SIK2: variants seen among roughly 807,000 people sequenced by gnomAD.
SIK2 encodes serine/threonine-protein kinase SIK2.
SIK2 carries 29 observed loss-of-function variants against 103.2 expected under a neutral mutation model. That is an observed-to-expected ratio of 0.28 (90% CI 0.21 to 0.38). The LOEUF is 0.38. SIK2 is among the 10% of genes least tolerant of loss of function. The pLI is 1.00. For synonymous variants in SIK2, 412 were observed against 446.1 expected (o/e 0.92, Z 0.96); for missense variants, 879 against 1,171.0 (o/e 0.75, Z 3.64).
intron 11 of SIK2, 25 bp from the exon 12 acceptor site, chr11:111,720,874 G>C (rs146609137): frequency 1.2e-6 from 2 of 1,610,280 alleles, no homozygotes; most frequent in African/African-American, 1.3e-5. Flanking sequence ...TAGTTAAACT[G>C]TTTGGTCTTG....
chr11:111,716,245 A>G (rs1943638828), intron 9 of SIK2, among the ~76,000 whole-genome samples: 1 of 152,218 alleles, frequency 6.6e-6, no homozygotes, highest in South Asian at 2.1e-4. Context: ...TACATTTTTA[A>G]TAACTTTTTT....
At chr11:111,682,335 T>C (rs1942788156) in intron 3 of SIK2, among the ~76,000 whole-genome samples, 1 of 151,976 alleles carries the variant, frequency 6.6e-6, no homozygotes. Flanking sequence ...GACAGTGGCA[T>C]AGGAAAAAGG....
intron 3 of SIK2, among the ~76,000 whole-genome samples, chr11:111,658,802 A>G (rs771551396): frequency 3.9e-5 from 6 of 152,192 alleles, no homozygotes; most frequent in Non-Finnish European, 8.8e-5. Flanking sequence ...TATTTTAAGA[A>G]GTACTACAGT....
At chr11:111,685,524 A>G (rs1244028791) in intron 3 of SIK2, among the ~76,000 whole-genome samples, 2 of 152,172 alleles carry the variant, frequency 1.3e-5, no homozygotes, top group African/African-American at 4.8e-5. Flanking sequence ...ACTTAAGGTC[A>G]AGGTGGCATT....
chr11:111,722,878 T>A lies in SIK2; in HGVS notation c.2147+122T>A. ...TAGGAAAATAGGTTTTCTGCGTGTG[T>A]CACAGGCCCTCTGAGCACGATTACT... On this transcript the variant is annotated intron_variant, in intron 14 of 14. Coordinates refer to ENST00000304987, the MANE Select transcript of SIK2 (RefSeq NM_015191.3). The surrounding 1 kb of genome is among the most constrained non-coding windows in gnomAD (Gnocchi z 4.4). 1.2e-6 allele frequency: 1 copy of A among 830,998 alleles called. No individual in the cohort carries two copies. The highest frequency in any genetic ancestry group is 1.9e-6 in the Non-Finnish European group (1 of 523,858). 51.5% of individuals were successfully genotyped at this position (830,998 alleles called of 1,614,324 possible).
intron 4 of SIK2, among the ~76,000 whole-genome samples, chr11:111,695,641 T>G (rs1220102680): frequency 1.3e-5 from 2 of 152,222 alleles, no homozygotes; most frequent in African/African-American, 4.8e-5. Flanking sequence ...CAGAGCTTGT[T>G]ACAAATGCAG....
In SIK2 at chr11:111,718,090, G is replaced by A. The variant is rs546635385; in HGVS notation, c.1267-1685G>A. ...AACTTAAAAATTGAAGAAAAAAAAA[G>A]AACTTGCTTATATGGCTTATCCTAT... On this transcript the variant is annotated intron_variant, in intron 9 of 14. Transcript: ENST00000304987. 8.5e-5 allele frequency among the ~76,000 whole-genome samples: 13 copies of A among 152,170 alleles called. No individual in the cohort carries two copies. The South Asian group carries it at 1.0e-3, about 12-fold the overall frequency.
Position 111,701,344 on chromosome 11 carries a change from C to A in SIK2, c.604-108C>A. ...ATTCTGAGAAAATAATAAATCCAGACAGGAATTTTTCAGTCCATATGATTT... is the reference window on the plus strand; with the variant it reads ...ATTCTGAGAAAATAATAAATCCAGAAAGGAATTTTTCAGTCCATATGATTT... On this transcript the variant is annotated intron_variant, in intron 5 of 14. Coordinates refer to ENST00000304987, the MANE Select transcript of SIK2 (RefSeq NM_015191.3). This position sits in a 1 kb window ranked among gnomAD's most constrained non-coding sequence, Gnocchi z 4.2. The A allele has an allele frequency of 7.3e-7, 1 of 1,372,946 alleles. No individual in the cohort carries two copies. The highest frequency in any genetic ancestry group is 9.7e-7 in the Non-Finnish European group (1 of 1,026,710). The allele number at this position is 1,372,946 out of a possible 1,614,324, so 85.0% of individuals were successfully genotyped here. A position where few individuals can be genotyped will look rare whatever the true frequency, so the allele number is the denominator to read the frequency against.
chr11:111,634,566 A>G (rs1465449702), intron 3 of SIK2, among the ~76,000 whole-genome samples: 1 of 151,926 alleles, frequency 6.6e-6, no homozygotes, highest in Admixed American at 6.6e-5. Context: ...ATCATTTCTC[A>G]CTTGAATCAC....
At chr11:111,693,126 T>G (rs1456433476) in intron 4 of SIK2, among the ~76,000 whole-genome samples, 6 of 151,822 alleles carry the variant, frequency 4.0e-5, no homozygotes, top group Non-Finnish European at 7.4e-5. Flanking sequence ...GAGGGCAGGA[T>G]TTCGAGACCA....
chr11:111,635,087 A>C (rs1218672411), intron 3 of SIK2, among the ~76,000 whole-genome samples: 2 of 152,136 alleles, frequency 1.3e-5, no homozygotes, highest in Admixed American at 1.3e-4. Flanking sequence ...ACTTGTAGAG[A>C]GACTAGTAAC....
At chr11:111,672,863 A>T (rs1228188760) in intron 3 of SIK2, among the ~76,000 whole-genome samples, 1 of 152,218 alleles carries the variant, frequency 6.6e-6, no homozygotes. Context: ...TTCGTTTAAA[A>T]TCTGGCTTTA....
At position 111,722,464 on chromosome 11, in the gene SIK2, G is replaced by A. The variant is rs186410182; in HGVS notation, c.2056-201G>A. On this transcript the variant is annotated intron_variant, in intron 13 of 14. Coordinates refer to ENST00000304987, the MANE Select transcript of SIK2 (RefSeq NM_015191.3). This position sits in a 1 kb window ranked among gnomAD's most constrained non-coding sequence, Gnocchi z 4.4. ...ACTTTTGGAAATGGAGTGGAAAAAG[G>A]AAGTAGGTGAGGTCAGAGATGGCCC... is the stretch of plus-strand genomic sequence containing the variant. Among the ~76,000 whole-genome samples, 18 of 152,338 alleles carry A rather than the reference G, an allele frequency of 1.2e-4. No individual in the cohort carries two copies. The highest frequency in any genetic ancestry group is 6.9e-3 in the Middle Eastern group (2 of 290).
intron 3 of SIK2, chr11:111,683,087 T>G (rs1040444176): frequency 1.3e-5 from 2 of 152,282 alleles, no homozygotes; most frequent in Non-Finnish European, 2.9e-5. Flanking sequence ...AAAAACTGTA[T>G]TTATTCATCA....
intron 3 of SIK2, among the ~76,000 whole-genome samples, chr11:111,645,363 A>G (rs1240517483): frequency 6.6e-6 from 1 of 152,246 alleles, no homozygotes; most frequent in Non-Finnish European, 1.5e-5. Flanking sequence ...ATAGTCATAC[A>G]ATACAGCAAC....
intron 3 of SIK2, among the ~76,000 whole-genome samples, chr11:111,638,095 T>C (rs886211663): frequency 3.9e-5 from 6 of 152,238 alleles, no homozygotes; most frequent in Non-Finnish European, 8.8e-5. Flanking sequence ...TTTGTATCTT[T>C]ACACTTGAGT....
At chr11:111,681,295 G>C (rs749186889) in intron 3 of SIK2, among the ~76,000 whole-genome samples, 6 of 152,062 alleles carry the variant, frequency 3.9e-5, no homozygotes, top group Non-Finnish European at 7.4e-5. Flanking sequence ...CTTTCAGTAG[G>C]GTCTGTGAGC....
At chr11:111,632,165 C>T (rs1430444336) in intron 3 of SIK2, among the ~76,000 whole-genome samples, 1 of 152,078 alleles carries the variant, frequency 6.6e-6, no homozygotes, top group Non-Finnish European at 1.5e-5. Context: ...TTGTGGCTGT[C>T]AAAGTGAATA....
chr11:111,651,304 A>G (rs1001456659), intron 3 of SIK2, among the ~76,000 whole-genome samples: 1 of 152,312 alleles, frequency 6.6e-6, no homozygotes, highest in Non-Finnish European at 1.5e-5. Flanking sequence ...ATACCCATCT[A>G]TGATAGACTG....
Sources: allele counts gnomAD v4.1 joint callset (sites outside exome capture counted in the v4.1 genomes callset), GRCh38; gene constraint gnomAD v4.1.1; non-coding constraint Gnocchi (gnomAD v3.1); transcripts MANE v1.5; gene names NCBI Gene and HGNC (gene_info 2026-07-23, HGNC 2026-07-21).